ACACA: variants seen among roughly 807,000 people sequenced by gnomAD.
ACACA encodes the protein acetyl-CoA carboxylase 1.
Under a neutral mutation model 296.1 loss-of-function variants are expected in ACACA, and 103 were observed. The observed-to-expected ratio is 0.35, with a 90% confidence interval of 0.30 to 0.41. ACACA has a LOEUF of 0.41. ACACA is among the 10% of genes least tolerant of loss of function. The probability of loss-of-function intolerance (pLI) is 1.00; values close to 1 mark genes in which losing one functional copy is unlikely to be tolerated. For missense variants in ACACA, 1,554 were observed against 2,989.7 expected (o/e 0.52, Z 11.20); for synonymous variants, 953 against 1,038.6 (o/e 0.92, Z 1.58).
At chr17:37,363,217 C>G (rs1372753456) in intron 1 of ACACA, among the ~76,000 whole-genome samples, 1 of 117,102 alleles carries the variant, frequency 8.5e-6, no homozygotes, top group African/African-American at 3.4e-5. Flanking sequence ...CGGTCTCGCT[C>G]TGTCACCCAG....
chr17:37,393,482 T>C (rs1307116403), intron 1 of ACACA, among the ~76,000 whole-genome samples: 2 of 152,080 alleles, frequency 1.3e-5, no homozygotes, highest in Non-Finnish European at 1.5e-5. Flanking sequence ...CCCTTAATCC[T>C]GAAACATGAG....
Position 37,113,371 on chromosome 17 carries a change from T to C in ACACA, c.6275-106A>G, listed in dbSNP as rs376446687. 4.1e-6 allele frequency: 5 copies of C among 1,229,526 alleles called. No individual in the cohort carries two copies. Among genetic ancestry groups the C allele is most frequent in the Admixed American group, 3.9e-5 (2 of 50,900 alleles). 76.2% of individuals were successfully genotyped at this position (1,229,526 alleles called of 1,614,324 possible). ...GGCCACGAAGAGCCTCCTTATACTA[T>C]GCCTCCTGTTTGGCCACCCTATAGA... On this transcript the variant is annotated intron_variant, in intron 50 of 55. Coordinates refer to ENST00000616317, the MANE Select transcript of ACACA (RefSeq NM_198834.3). This position sits in a 1 kb window ranked among gnomAD's most constrained non-coding sequence, Gnocchi z 4.0.
chr17:37,323,785 A>G (rs955967021), intron 3 of ACACA, among the ~76,000 whole-genome samples: 3 of 152,226 alleles, frequency 2.0e-5, no homozygotes, highest in Non-Finnish European at 4.4e-5. Flanking sequence ...ATTAGTTGAC[A>G]AACTGTTTAC....
chr17:37,349,165 A>G (rs2147445866), intron 1 of ACACA, among the ~76,000 whole-genome samples: 1 of 150,408 alleles, frequency 6.6e-6, no homozygotes, highest in South Asian at 2.1e-4. Flanking sequence ...GACTCAAGCA[A>G]TTATCGTGCC....
intron 24 of ACACA, among the ~76,000 whole-genome samples, chr17:37,238,334 GA>G (rs1243840214): frequency 7.0e-6 from 1 of 142,344 alleles, no homozygotes; most frequent in Non-Finnish European, 1.5e-5. Flanking sequence ...ATCATTTATT[GA>G]AAAAAAAAAA....
intron 55 of ACACA, among the ~76,000 whole-genome samples, chr17:37,087,807 C>T (rs1484454429): frequency 2.0e-5 from 3 of 152,050 alleles, no homozygotes; most frequent in African/African-American, 7.2e-5. Flanking sequence ...ATAAAAGAAT[C>T]GGCAGGAGTG....
chr17:37,186,085 C>T (rs1463313975), intron 39 of ACACA, among the ~76,000 whole-genome samples: 2 of 152,176 alleles, frequency 1.3e-5, no homozygotes, highest in Non-Finnish European at 2.9e-5. Flanking sequence ...GGGCAAGAGG[C>T]TGATAGTAAT....
At chr17:37,139,155 A>G (rs555884419) in intron 45 of ACACA, among the ~76,000 whole-genome samples, 1 of 152,330 alleles carries the variant, frequency 6.6e-6, no homozygotes, top group South Asian at 2.1e-4. Context: ...AGAAAATTCA[A>G]CATATGAAGG....
At chr17:37,362,060 G>A (rs936714844) in intron 1 of ACACA, among the ~76,000 whole-genome samples, 2 of 152,152 alleles carry the variant, frequency 1.3e-5, no homozygotes, top group African/African-American at 4.8e-5. Flanking sequence ...GTCCTTATAA[G>A]ACGAGGCGAC....
At chr17:37,323,923 C>T (rs1462378926) in intron 3 of ACACA, among the ~76,000 whole-genome samples, 1 of 152,186 alleles carries the variant, frequency 6.6e-6, no homozygotes, top group African/African-American at 2.4e-5. Flanking sequence ...TATATGCCAC[C>T]AAATCATACA....
At chr17:37,391,899 T>C (rs2050900266) in intron 1 of ACACA, 1 of 619,180 alleles carries the variant, frequency 1.6e-6, no homozygotes, top group Admixed American at 2.8e-5. Flanking sequence ...CTCATGCCCC[T>C]ATCTGAGCCA....
At chr17:37,362,067 C>T (rs1484598134) in intron 1 of ACACA, among the ~76,000 whole-genome samples, 5 of 151,980 alleles carry the variant, frequency 3.3e-5, no homozygotes, top group African/African-American at 1.2e-4. Flanking sequence ...TAAGACGAGG[C>T]GACGAGGACA....
At chr17:37,373,901 T>C (rs2049898255) in intron 1 of ACACA, among the ~76,000 whole-genome samples, 1 of 152,178 alleles carries the variant, frequency 6.6e-6, no homozygotes, top group South Asian at 2.1e-4. Flanking sequence ...GGAGCCCCTC[T>C]GCCCTAACCA....
intron 41 of ACACA, among the ~76,000 whole-genome samples, chr17:37,173,179 AC>A (rs2076940686): frequency 6.6e-6 from 1 of 152,180 alleles, no homozygotes; most frequent in Non-Finnish European, 1.5e-5. Flanking sequence ...CCCTTTTCTC[AC>A]CACCAAAACC....
At chr17:37,209,527 G>C (rs890182794) in intron 30 of ACACA, among the ~76,000 whole-genome samples, 1 of 152,128 alleles carries the variant, frequency 6.6e-6, no homozygotes, top group East Asian at 1.9e-4. Flanking sequence ...GGTGGCTAAA[G>C]GCAGGCAGGA....
At chr17:37,120,275 C>CT (rs908938794) in intron 50 of ACACA, among the ~76,000 whole-genome samples, 98 of 150,422 alleles carry the variant, frequency 6.5e-4, no homozygotes, top group African/African-American at 1.1e-3. Flanking sequence ...CTGTTTTTTC[C>CT]TTTTTTTTGA....
chr17:37,197,618 A>ATTTT (rs2078062574), intron 35 of ACACA, among the ~76,000 whole-genome samples: 1 of 152,218 alleles, frequency 6.6e-6, no homozygotes, highest in Non-Finnish European at 1.5e-5. Context: ...ATGAATGTCA[A>ATTTT]GCTACCATCA....
At chr17:37,096,955 G>A in intron 54 of ACACA, 41 bp downstream of exon 54, 1 of 1,613,226 alleles carries the variant, frequency 6.2e-7, no homozygotes, top group Non-Finnish European at 8.5e-7. Flanking sequence ...GGTGGTGTGA[G>A]GAACTCAGCA....
At chr17:37,150,481 G>T (rs561151706) in intron 44 of ACACA, among the ~76,000 whole-genome samples, 1 of 152,114 alleles carries the variant, frequency 6.6e-6, no homozygotes, top group South Asian at 2.1e-4. Flanking sequence ...GGCAGAGGTT[G>T]CAGTGAGCTG....
Sources: gnomAD v4.1 joint callset for allele counts (sites outside exome capture counted in the v4.1 genomes callset) on GRCh38, gnomAD v4.1.1 for gene constraint, Gnocchi (gnomAD v3.1) non-coding constraint, MANE v1.5 for transcripts, NCBI Gene and HGNC (gene_info 2026-07-23, HGNC 2026-07-21) for gene names.